DIP2C: variants seen among roughly 807,000 people sequenced by gnomAD.
DIP2C encodes the protein DIP2 acetate--CoA ligase C (putative).
In DIP2C, 33 loss-of-function variants were observed where a neutral mutation model predicts 192.4. That is an observed-to-expected ratio of 0.17 (90% confidence interval 0.13 to 0.23). The LOEUF (loss-of-function observed/expected upper bound fraction) is 0.23. Ranked by LOEUF, DIP2C falls within the 10% of genes least tolerant of loss-of-function variation. The pLI, the probability that DIP2C is intolerant of heterozygous loss-of-function variation, is 1.00. For synonymous variants in DIP2C, 979 were observed against 864.1 expected, an observed-to-expected ratio of 1.13 and a Z score of -2.33; for missense variants, 1,537 against 2,110.1, an observed-to-expected ratio of 0.73 and a Z score of 5.32.
intron 1 of DIP2C, among the ~76,000 whole-genome samples, chr10:493,253 G>C (rs1441230962): frequency 6.6e-6 from 1 of 152,206 alleles, no homozygotes; most frequent in African/African-American, 2.4e-5. Context: ...TCTCCAGTGT[G>C]TCCTGGGAGT....
intron 1 of DIP2C, among the ~76,000 whole-genome samples, chr10:547,861 A>C (rs181437302): frequency 7.0e-4 from 107 of 152,050 alleles, no homozygotes; most frequent in African/African-American, 2.6e-3. Flanking sequence ...CATTTCATCC[A>C]TGCCCACCAT....
intron 1 of DIP2C, among the ~76,000 whole-genome samples, chr10:515,101 C>T (rs747301096): frequency 9.2e-5 from 14 of 152,188 alleles, no homozygotes; most frequent in Admixed American, 4.6e-4. Flanking sequence ...GAATTATAAA[C>T]GTTAATTACA....
chr10:441,125 G>T, intron 3 of DIP2C, 129 bp from the exon 4 acceptor site: 2 of 1,086,878 alleles, frequency 1.8e-6, no homozygotes, highest in Non-Finnish European at 2.5e-6. Flanking sequence ...GGTGGGCGAG[G>T]AAAGAAAATC....
chr10:317,042 A>G (rs1451930316), intron 31 of DIP2C, among the ~76,000 whole-genome samples: 1 of 152,188 alleles, frequency 6.6e-6, no homozygotes, highest in African/African-American at 2.4e-5. Context: ...GTCTCTTGTG[A>G]CTTCTACATC....
intron 24 of DIP2C, among the ~76,000 whole-genome samples, chr10:352,437 C>T (rs1958865841): frequency 6.6e-6 from 1 of 152,222 alleles, no homozygotes; most frequent in Non-Finnish European, 1.5e-5. Context: ...GCAAAGCTTC[C>T]AGGCACGCTC....
At chr10:452,029 C>T (rs576286387) in intron 3 of DIP2C, among the ~76,000 whole-genome samples, 3 of 152,106 alleles carry the variant, frequency 2.0e-5, no homozygotes, top group Non-Finnish European at 2.9e-5. Context: ...CAGCTCGGGG[C>T]GACTCCAGAC....
At chr10:435,868 C>CT (rs1379359370) in intron 4 of DIP2C, among the ~76,000 whole-genome samples, 1 of 151,816 alleles carries the variant, frequency 6.6e-6, no homozygotes, top group Non-Finnish European at 1.5e-5. Context: ...TTTAAAAACT[C>CT]TGTCTTTTGC....
intron 1 of DIP2C, chr10:668,002 CACA>C (rs1278163554): frequency 2.0e-5 from 3 of 152,018 alleles, no homozygotes; most frequent in Admixed American, 6.5e-5. Flanking sequence ...ACTCATACAA[CACA>C]ACACTCATAC....
At chr10:530,938 G>A (rs1462289697) in intron 1 of DIP2C, among the ~76,000 whole-genome samples, 2 of 152,164 alleles carry the variant, frequency 1.3e-5, no homozygotes, top group African/African-American at 4.8e-5. Context: ...GACCTTGGCA[G>A]ACTCCCGATG....
At chr10:645,737 C>T (rs1321824968) in intron 1 of DIP2C, among the ~76,000 whole-genome samples, 1 of 152,150 alleles carries the variant, frequency 6.6e-6, no homozygotes, top group Non-Finnish European at 1.5e-5. Flanking sequence ...GAAGGAAGTG[C>T]ATGAATATGT....
chr10:489,152 T>C (rs1378525617), intron 1 of DIP2C, among the ~76,000 whole-genome samples: 1 of 152,218 alleles, frequency 6.6e-6, no homozygotes, highest in Admixed American at 6.5e-5. Context: ...CCAAAGCTCA[T>C]GGCTCACAAA....
intron 9 of DIP2C, among the ~76,000 whole-genome samples, chr10:408,008 A>C (rs1964928075): frequency 6.6e-6 from 1 of 152,134 alleles, no homozygotes; most frequent in African/African-American, 2.4e-5. Context: ...ATCCAGGGTC[A>C]TGAGGTGTCT....
At chr10:681,482 G>A (rs1439024509) in intron 1 of DIP2C, among the ~76,000 whole-genome samples, 1 of 150,832 alleles carries the variant, frequency 6.6e-6, no homozygotes, top group African/African-American at 2.4e-5. Flanking sequence ...ATAGACCCCA[G>A]TCCCATGGTG....
At chr10:594,520 A>AT (rs1851587659) in intron 1 of DIP2C, among the ~76,000 whole-genome samples, 1 of 152,182 alleles carries the variant, frequency 6.6e-6, no homozygotes, top group Non-Finnish European at 1.5e-5. Flanking sequence ...ACGTAAGGGA[A>AT]CATGGCCGAG....
At position 409,344 on chromosome 10, in the gene DIP2C, G is replaced by A. The variant is rs180864270; in HGVS notation, c.1058-327C>T. Among the ~76,000 whole-genome samples, 14 of 152,312 alleles carry A rather than the reference G, an allele frequency of 9.2e-5. No individual in the cohort carries two copies. The East Asian group carries it at 2.3e-3, about 25-fold the overall frequency. ...GGGCGCGGACAGTGCACACACCGTC[G>A]TCACAGGGCTGGGATCTGCCCAGCT... On this transcript the variant is annotated intron_variant, in intron 8 of 36. Transcript: ENST00000280886.
intron 1 of DIP2C, among the ~76,000 whole-genome samples, chr10:578,007 A>G (rs1032047313): frequency 3.3e-5 from 5 of 152,138 alleles, no homozygotes; most frequent in Non-Finnish European, 7.3e-5. Flanking sequence ...AGGTGTGGAA[A>G]ACTAAGTACT....
intron 1 of DIP2C, among the ~76,000 whole-genome samples, chr10:604,374 G>T (rs1410268230): frequency 6.6e-6 from 1 of 152,218 alleles, no homozygotes; most frequent in African/African-American, 2.4e-5. Flanking sequence ...GAGGAAGGCA[G>T]TTGCTCCCTG....
chr10:336,593 G>A (rs1957778501), intron 29 of DIP2C, among the ~76,000 whole-genome samples: 1 of 152,130 alleles, frequency 6.6e-6, no homozygotes, highest in African/African-American at 2.4e-5. Flanking sequence ...AACTGTTACT[G>A]GTTTATGAAT....
intron 2 of DIP2C, among the ~76,000 whole-genome samples, chr10:479,006 G>A (rs1336542049): frequency 1.3e-5 from 2 of 152,212 alleles, no homozygotes; most frequent in South Asian, 2.1e-4. Flanking sequence ...CTCCACAGGA[G>A]TGTCCTGCAG....
Sources: allele counts gnomAD v4.1 joint callset (sites outside exome capture counted in the v4.1 genomes callset), GRCh38; gene constraint gnomAD v4.1.1; transcripts MANE v1.5; gene names NCBI Gene and HGNC (gene_info 2026-07-23, HGNC 2026-07-21).